Variants in MAPRE3 observed in about 807,000 individuals in gnomAD.
MAPRE3 encodes microtubule-associated protein RP/EB family member 3.
In MAPRE3, 2 loss-of-function variants were observed where a neutral mutation model predicts 30.5. That is an observed-to-expected ratio of 0.07 (90% CI 0.03 to 0.21). The LOEUF (loss-of-function observed/expected upper bound fraction) is 0.21. Ranked by LOEUF, MAPRE3 falls within the 10% of genes least tolerant of loss-of-function variation. The probability of loss-of-function intolerance (pLI) is 1.00; values close to 1 mark genes in which losing one functional copy is unlikely to be tolerated. For missense variants in MAPRE3, 204 were observed against 351.8 expected (o/e 0.58, Z 3.36); for synonymous variants, 110 against 127.7 (o/e 0.86, Z 0.93).
chr2:26,996,524 C>A (rs1015835884), intron 1 of MAPRE3, among the ~76,000 whole-genome samples: 1 of 152,080 alleles, frequency 6.6e-6, no homozygotes, highest in Admixed American at 6.6e-5. Flanking sequence ...TCACCAGGGC[C>A]GGGCGCGGTG....
intron 1 of MAPRE3, among the ~76,000 whole-genome samples, chr2:26,982,897 C>T (rs981674593): frequency 5.3e-5 from 8 of 152,232 alleles, no homozygotes; most frequent in African/African-American, 1.9e-4. Context: ...TAGTAACTAA[C>T]GAAAAAGCCC....
intron 1 of MAPRE3, among the ~76,000 whole-genome samples, chr2:26,982,244 C>G (rs1418696079): frequency 6.6e-6 from 1 of 152,200 alleles, no homozygotes; most frequent in African/African-American, 2.4e-5. Flanking sequence ...TTTATTCCAC[C>G]TGCTGGATTC....
At chr2:26,990,638 A>G (rs889568852) in intron 1 of MAPRE3, among the ~76,000 whole-genome samples, 2 of 152,256 alleles carry the variant, frequency 1.3e-5, no homozygotes, top group Admixed American at 6.5e-5. Context: ...TGTATATAGA[A>G]AGGTCTGAGG....
chr2:27,017,371 G>A (rs985814348), intron 1 of MAPRE3, among the ~76,000 whole-genome samples: 2 of 152,192 alleles, frequency 1.3e-5, no homozygotes, highest in Non-Finnish European at 2.9e-5. Flanking sequence ...AGCATGATTC[G>A]TTGCTGGGTC....
chr2:26,993,375 A>T (rs1666389995), intron 1 of MAPRE3, among the ~76,000 whole-genome samples: 1 of 152,110 alleles, frequency 6.6e-6, no homozygotes, highest in African/African-American at 2.4e-5. Context: ...ATCTCAAGAA[A>T]AATAAAAAAA....
In MAPRE3 at chr2:26,986,119, G is replaced by A. The variant is rs533892250; in HGVS notation, c.-8+15317G>A. Among the ~76,000 whole-genome samples, 88 of 152,278 alleles carry A rather than the reference G, an allele frequency of 5.8e-4. 1 individual carries two copies. The highest frequency in any genetic ancestry group is 1.2e-3 in the South Asian group (6 of 4,826). On this transcript the variant is annotated intron_variant, in intron 1 of 6. Coordinates refer to ENST00000233121, the MANE Select transcript of MAPRE3 (RefSeq NM_012326.4). The surrounding 1 kb of genome is among the most constrained non-coding windows in gnomAD (Gnocchi z 4.2). ...TTCTGGAGCCTCCAGGAGAAAATCCGCGTCTTTGCCTCCTCCATCCTCTAA... is the reference window on the plus strand; with the variant it reads ...TTCTGGAGCCTCCAGGAGAAAATCCACGTCTTTGCCTCCTCCATCCTCTAA...
At chr2:26,975,896 G>A (rs1170218756) in intron 1 of MAPRE3, among the ~76,000 whole-genome samples, 3 of 149,962 alleles carry the variant, frequency 2.0e-5, no homozygotes, top group Admixed American at 1.3e-4. Flanking sequence ...GCTGCTTCCC[G>A]GTCAGCCCAG....
chr2:27,026,270 C>T lies in MAPRE3; in HGVS notation c.778-10C>T, dbSNP rs111374647. 9.0e-3 allele frequency: 14,457 copies of T among 1,610,666 alleles called. 84 individuals carry two copies. Among genetic ancestry groups the T allele is most frequent in the Middle Eastern group, 0.023 (137 of 6,046 alleles). Reference sequence around the variant, plus strand: ...TGGCCCACCACTTTCCTCTCTCTCCCACCCTCCAGGAAGGATTCGCACCCC... The same window carrying T: ...TGGCCCACCACTTTCCTCTCTCTCCTACCCTCCAGGAAGGATTCGCACCCC... On this transcript the variant is annotated splice_polypyrimidine_tract_variant and intron_variant, in intron 6 of 6. Coordinates refer to ENST00000233121, the MANE Select transcript of MAPRE3 (RefSeq NM_012326.4).
At chr2:26,978,613 C>T (rs927045282) in intron 1 of MAPRE3, among the ~76,000 whole-genome samples, 3 of 152,134 alleles carry the variant, frequency 2.0e-5, no homozygotes, top group African/African-American at 7.2e-5. Flanking sequence ...TTATGCTGGC[C>T]CCAAAATAGC....
chr2:27,000,698 C>A (rs1666576504), intron 1 of MAPRE3, among the ~76,000 whole-genome samples: 1 of 152,236 alleles, frequency 6.6e-6, no homozygotes, highest in African/African-American at 2.4e-5. Flanking sequence ...GCTCAGAGCC[C>A]CTCTGGCCTC....
At chr2:26,994,804 C>A (rs887099595) in intron 1 of MAPRE3, among the ~76,000 whole-genome samples, 1 of 144,152 alleles carries the variant, frequency 6.9e-6, no homozygotes, top group Non-Finnish European at 1.5e-5. Flanking sequence ...CAGACATTTT[C>A]CTTTCTTCTT....
chr2:27,009,891 T>C (rs1346402797), intron 1 of MAPRE3: 1 of 152,268 alleles, frequency 6.6e-6, no homozygotes, highest in Non-Finnish European at 1.5e-5. Context: ...AGTTGGAGCA[T>C]GATGTGTTGC....
intron 1 of MAPRE3, among the ~76,000 whole-genome samples, chr2:26,994,490 T>C (rs1028731777): frequency 4.6e-5 from 7 of 152,236 alleles, no homozygotes; most frequent in African/African-American, 1.4e-4. Flanking sequence ...GAGTGGTCCA[T>C]TGGACAGTGT....
chr2:26,979,998 G>A (rs1427379339), intron 1 of MAPRE3, among the ~76,000 whole-genome samples: 1 of 152,126 alleles, frequency 6.6e-6, no homozygotes, highest in African/African-American at 2.4e-5. Flanking sequence ...AGGAGGGCTG[G>A]ATTCCCTCAA....
intron 1 of MAPRE3, among the ~76,000 whole-genome samples, chr2:26,994,512 T>G (rs1666412232): frequency 6.6e-6 from 1 of 152,260 alleles, no homozygotes; most frequent in Non-Finnish European, 1.5e-5. Context: ...ACAGTTGCAC[T>G]AACATAGTTT....
chr2:26,979,338 C>T (rs1248610585), intron 1 of MAPRE3, among the ~76,000 whole-genome samples: 1 of 152,204 alleles, frequency 6.6e-6, no homozygotes, highest in Non-Finnish European at 1.5e-5. Context: ...GTCATACCAA[C>T]ACTTTGGGAG....
intron 3 of MAPRE3, 154 bp downstream of exon 3, chr2:27,023,631 C>T (rs768565987): frequency 2.4e-6 from 2 of 837,514 alleles, no homozygotes; most frequent in Non-Finnish European, 1.9e-6. Context: ...TCCCCCTGCT[C>T]AAGGCACAAT....
chr2:26,981,177 T>C (rs142172937), intron 1 of MAPRE3, among the ~76,000 whole-genome samples: 2,562 of 152,280 alleles, frequency 0.017, 260 homozygotes, highest in Admixed American at 0.15. Context: ...TTGTGAATGC[T>C]GCATTGGACC....
intron 1 of MAPRE3, among the ~76,000 whole-genome samples, chr2:26,984,585 CAT>C (rs1232398431): frequency 1.3e-5 from 2 of 152,208 alleles, no homozygotes. Context: ...CCCAAGGAAA[CAT>C]ATGCTCCAAA....
Sources: gnomAD v4.1 joint callset for allele counts (sites outside exome capture counted in the v4.1 genomes callset) on GRCh38, gnomAD v4.1.1 for gene constraint, Gnocchi (gnomAD v3.1) non-coding constraint, MANE v1.5 for transcripts, NCBI Gene and HGNC (gene_info 2026-07-23, HGNC 2026-07-21) for gene names.